Variants in TMIE observed in about 807,000 individuals in gnomAD.
TMIE encodes transmembrane inner ear.
A neutral mutation model predicts 16.8 loss-of-function variants in TMIE; 14 were observed. The ratio of observed to expected loss-of-function variants is 0.83; its 90% CI spans 0.55 to 1.30. The LOEUF is 1.30. Ranked by LOEUF, TMIE falls within the 50% of genes most tolerant of loss-of-function variation. TMIE has a pLI of 0.00. For missense variants in TMIE, 204 were observed against 205.9 expected (o/e 0.99, Z 0.06); for synonymous variants, 75 against 87.2 (o/e 0.86, Z 0.78).
chr3:46,693,821 C>G (rs1487883871), upstream of TMIE: 1 of 152,000 alleles, frequency 6.6e-6, no homozygotes, highest in Non-Finnish European at 1.5e-5. Context: ...CACCGAGGAG[C>G]TGGCGCGCGG....
upstream of TMIE, among the ~76,000 whole-genome samples, chr3:46,700,298 C>A (rs1700454319): frequency 2.6e-5 from 4 of 152,210 alleles, no homozygotes; most frequent in Admixed American, 2.6e-4. Context: ...TGGCAGGTGA[C>A]CGCAGGTGGC....
rs547479037 is a variant in TMIE at position 46,706,660 on chromosome 3, AGAGGAGGGTCCTCTGAG to A, written c.211+771_211+787del. Among the ~76,000 whole-genome samples, 16 of 152,318 alleles carry A rather than the reference AGAGGAGGGTCCTCTGAG, an allele frequency of 1.1e-4. No homozygotes were observed. The South Asian group carries it at 2.3e-3, about 22-fold the overall frequency. On this transcript the variant is annotated intron_variant, in intron 2 of 3. Transcript: ENST00000643606. ...GCCCACTCCCCTGCAAAGGCATCAC[AGAGGAGGGTCCTCTGAG>A]GAGGAGGGTCCTCTGAGCTGCAGAC...
At chr3:46,708,415 G>A (rs1700578172) in intron 2 of TMIE, among the ~76,000 whole-genome samples, 1 of 152,240 alleles carries the variant, frequency 6.6e-6, no homozygotes, top group Non-Finnish European at 1.5e-5. Flanking sequence ...TGGTCAGGCT[G>A]TGGGGGCCTT....
chr3:46,704,252 G>GC lies in TMIE; in HGVS notation c.94-1538_94-1537insC, dbSNP rs778148944. Among the ~76,000 whole-genome samples the GC allele has an allele frequency of 6.5e-3, 948 of 145,746 alleles. 12 individuals are homozygous for GC. Among genetic ancestry groups the GC allele is most frequent in the African/African-American group, 0.022 (872 of 39,640 alleles). The stretch of plus-strand genomic sequence containing the variant: ...CGGACCATGTCCCTAGACACCCAGG[G>GC]TGGACCATGTCCCCTAGACACCCAG... On this transcript the variant is annotated intron_variant, in intron 1 of 3. Coordinates refer to ENST00000643606, the MANE Select transcript of TMIE (RefSeq NM_147196.3).
At chr3:46,698,962 T>C (rs1280959285), upstream of TMIE, among the ~76,000 whole-genome samples, 2 of 151,776 alleles carry the variant, frequency 1.3e-5, no homozygotes, top group Non-Finnish European at 2.9e-5. Context: ...ATTACAGGCA[T>C]GAGCCACCAC....
At chr3:46,693,931 G>C (rs982171080), upstream of TMIE, among the ~76,000 whole-genome samples, 1 of 151,976 alleles carries the variant, frequency 6.6e-6, no homozygotes, top group African/African-American at 2.4e-5. Context: ...AGGAAAAGTG[G>C]GAGTCTTGAC....
At position 46,705,861 on chromosome 3, in the gene TMIE, C is replaced by T. The variant is rs202061220; in HGVS notation, c.165C>T (p.Arg55=). The T allele has an allele frequency of 2.5e-6, 4 of 1,614,014 alleles. No homozygotes were observed. Among genetic ancestry groups the T allele is most frequent in the Non-Finnish European group, 3.4e-6 (4 of 1,180,038 alleles). Residue 55 remains arginine, a synonymous_variant, in exon 2 of 4, where the codon CGC becomes CGT. Coordinates refer to ENST00000643606, the MANE Select transcript of TMIE (RefSeq NM_147196.3). ...TKETVVFWDM[R]LWHVVGIFSL... ...AGACAGTGGTGTTCTGGGACATGCG[C>T]CTGTGGCACGTGGTGGGCATCTTTT...
At chr3:46,694,216 C>T (rs1052166212), upstream of TMIE, among the ~76,000 whole-genome samples, 1 of 152,350 alleles carries the variant, frequency 6.6e-6, no homozygotes, top group East Asian at 1.9e-4. Context: ...GGCCGGCCGC[C>T]CCTCCTGTGC....
upstream of TMIE, among the ~76,000 whole-genome samples, chr3:46,697,556 T>C (rs1700422028): frequency 6.6e-6 from 1 of 152,216 alleles, no homozygotes; most frequent in African/African-American, 2.4e-5. Flanking sequence ...TAATACCCTT[T>C]ACAGTAAGCC....
At chr3:46,706,960 G>C (rs1328155993) in intron 2 of TMIE, among the ~76,000 whole-genome samples, 1 of 152,220 alleles carries the variant, frequency 6.6e-6, no homozygotes, top group African/African-American at 2.4e-5. Context: ...CTCCAAGGAA[G>C]ACGTGACATC....
chr3:46,704,572 C>T (rs73831198), intron 1 of TMIE, among the ~76,000 whole-genome samples: 1,944 of 144,254 alleles, frequency 0.013, 63 homozygotes, highest in African/African-American at 0.047. Flanking sequence ...GTCCCCTAGA[C>T]GCCCAGGGCA....
At chr3:46,704,861 T>C (rs1700530980) in intron 1 of TMIE, among the ~76,000 whole-genome samples, 1 of 151,066 alleles carries the variant, frequency 6.6e-6, no homozygotes, top group Non-Finnish European at 1.5e-5. Context: ...GGGTGGACCA[T>C]GTCCCCTAGA....
rs1700590460 is a variant in TMIE at position 46,709,210 on chromosome 3, C to T, written c.296C>T (p.Ala99Val). 1 of 1,614,168 alleles carries T rather than the reference C, an allele frequency of 6.2e-7. No individual in the cohort carries two copies. ...GCCCGGTACCTGCAGCGAAAGGCAG[C>T]CAAGATGTACACAGACAAGCTGGAG... is the stretch of plus-strand genomic sequence containing the variant. ...IEARYLQRKA[A>V]KMYTDKLETV... The change falls in exon 3 of 4, where the codon GCC becomes GTC. Residue 99 changes from alanine to valine, a missense_variant. Ala to Val is a moderately conservative substitution (Grantham distance 64, BLOSUM62 0). Transcript: ENST00000643606.
chr3:46,700,368 G>A (rs1157298227), upstream of TMIE, among the ~76,000 whole-genome samples: 2 of 152,206 alleles, frequency 1.3e-5, no homozygotes, highest in Admixed American at 6.5e-5. Context: ...GTCCAGGCCA[G>A]AACCTCACAG....
At chr3:46,697,472 C>T (rs1368651789), upstream of TMIE, among the ~76,000 whole-genome samples, 1 of 152,116 alleles carries the variant, frequency 6.6e-6, no homozygotes, top group African/African-American at 2.4e-5. Flanking sequence ...GGGTGGCATG[C>T]CCAGGAGGGC....
chr3:46,710,060 C>A lies in TMIE; in HGVS notation c.*372C>A, dbSNP rs1700602234. ...TAATGGGATATGGGGTTACTTCAGC[C>A]ACCCTTTCTGGCACGAAATGGCTGA... is the stretch of plus-strand genomic sequence containing the variant. On this transcript the variant is annotated 3_prime_UTR_variant, in exon 4 of 4. Transcript: ENST00000643606. 8.5e-6 allele frequency: 3 copies of A among 352,362 alleles called. No homozygotes were observed. The highest frequency in any genetic ancestry group is 6.4e-5 in the African/African-American group (3 of 47,146). The allele number at this position is 352,362 out of a possible 1,614,324, so 21.8% of individuals were successfully genotyped here. A position where few individuals can be genotyped will look rare whatever the true frequency, so the allele number is the denominator to read the frequency against.
chr3:46,709,518 C>A (rs1274099809), intron 3 of TMIE, 61 bp from the exon 4 acceptor site: 18 of 1,613,754 alleles, frequency 1.1e-5, no homozygotes, highest in African/African-American at 2.7e-5. Context: ...CCCCTCAGGA[C>A]AGTCAGACCC....
intron 2 of TMIE, 90 bp from the exon 3 acceptor site, chr3:46,709,036 T>A (rs1653019608): frequency 6.5e-7 from 1 of 1,549,136 alleles, no homozygotes; most frequent in African/African-American, 1.4e-5. Flanking sequence ...CACATGTGGG[T>A]GGATGGGGGC....
At chr3:46,705,168 C>T (rs919459459) in intron 1 of TMIE, among the ~76,000 whole-genome samples, 1 of 152,200 alleles carries the variant, frequency 6.6e-6, no homozygotes, top group African/African-American at 2.4e-5. Flanking sequence ...GCTACAGCCG[C>T]ACTTCTGCCT....
Sources: allele counts gnomAD v4.1 joint callset (sites outside exome capture counted in the v4.1 genomes callset), GRCh38; gene constraint gnomAD v4.1.1; transcripts MANE v1.5; gene names NCBI Gene and HGNC (gene_info 2026-07-23, HGNC 2026-07-21).